Variants in OVCH2 observed in about 807,000 individuals in gnomAD.
OVCH2 encodes the protein ovochymase-2.
A neutral mutation model predicts 73.7 loss-of-function variants in OVCH2; 88 were observed. That is an observed-to-expected ratio of 1.19 (90% confidence interval 1.01 to 1.43). OVCH2 has a LOEUF of 1.43. OVCH2 is among the 40% of genes most tolerant of loss of function. OVCH2 has a pLI of 0.00. For missense variants in OVCH2, 706 were observed against 674.5 expected (o/e 1.05, Z -0.52); for synonymous variants, 265 against 234.5 (o/e 1.13, Z -1.19).
downstream of OVCH2, among the ~76,000 whole-genome samples, chr11:7,684,734 C>T (rs1038685871): frequency 1.3e-4 from 19 of 151,992 alleles, no homozygotes; most frequent in East Asian, 7.7e-4. Context: ...CAGACATATC[C>T]AGTGATGTAT....
chr11:7,700,260 T>C, intron 7 of OVCH2, 36 bp downstream of exon 7: 1 of 1,600,256 alleles, frequency 6.2e-7, no homozygotes, highest in Non-Finnish European at 8.5e-7. Flanking sequence ...CCTAGCAGAA[T>C]GGCAGCTTCT....
At position 7,696,768 on chromosome 11, in the gene OVCH2, G is replaced by A. The variant is rs754216584; in HGVS notation, c.957C>T (p.Ser319=). The A allele has an allele frequency of 3.2e-5, 51 of 1,611,076 alleles. No individual in the cohort carries two copies. The highest frequency in any genetic ancestry group is 6.6e-5 in the South Asian group (6 of 90,402). The change falls in exon 9 of 16, where the codon AGC becomes AGT. Residue 319 remains serine, a synonymous_variant. Transcript: ENST00000533663. ...GGAAGTGCAGCTTCCCCTCAGCCCC[G>A]CTGACTATGACATCCTGCTCACTGC... is the stretch of plus-strand genomic sequence containing the variant. ...AWCSEQDVIV[S]GAEGKLHFPE...
rs371887798 is a variant in OVCH2, at chr11:7,696,614, G to A, written c.1017-25C>T. ...TCTGTAGGCAGATCATGGAGAGGGCGTTATTTCTAGACAGAAAACGACTAT... is the reference window on the plus strand; with the variant it reads ...TCTGTAGGCAGATCATGGAGAGGGCATTATTTCTAGACAGAAAACGACTAT... On this transcript the variant is annotated intron_variant, in intron 9 of 15. Coordinates refer to ENST00000533663, the MANE Select transcript of OVCH2 (RefSeq NM_198185.7). 1.4e-4 allele frequency: 226 copies of A among 1,613,866 alleles called. 1 individual carries two copies. Among genetic ancestry groups the A allele is most frequent in the South Asian group, 6.6e-5 (6 of 91,078 alleles).
downstream of OVCH2, among the ~76,000 whole-genome samples, chr11:7,688,137 G>A (rs1046634497): frequency 2.0e-5 from 3 of 151,998 alleles, no homozygotes; most frequent in African/African-American, 7.2e-5. Flanking sequence ...CTCCCCTTAT[G>A]CCTGGCTCCT....
downstream of OVCH2, among the ~76,000 whole-genome samples, chr11:7,687,380 G>A (rs565812828): frequency 1.3e-5 from 2 of 151,960 alleles, no homozygotes; most frequent in South Asian, 4.2e-4. Context: ...TGAAGGCTAA[G>A]GCTGAGAAAT....
At position 7,691,404 on chromosome 11, in the gene OVCH2, G is replaced by GT. The variant is rs1171242338; in HGVS notation, c.1508-5dup. The GT allele has an allele frequency of 1.2e-6, 2 of 1,610,322 alleles. No individual in the cohort carries two copies. The highest frequency in any genetic ancestry group is 8.5e-7 in the Non-Finnish European group (1 of 1,177,630). ...ACATCATAGCCACACAGCCGAGCTT[G>GT]TTGAAGGCCAGCCCAGGCATGACAT... On this transcript the variant is annotated splice_region_variant and splice_polypyrimidine_tract_variant and intron_variant, in intron 13 of 15. Transcript: ENST00000533663.
intron 11 of OVCH2, among the ~76,000 whole-genome samples, 163 bp from the exon 12 acceptor site, chr11:7,695,351 C>G (rs1329947636): frequency 2.6e-5 from 4 of 152,196 alleles, no homozygotes; most frequent in African/African-American, 9.7e-5. Flanking sequence ...TCATCAGGCC[C>G]TCTCGACTCA....
chr11:7,696,508 G>A lies in OVCH2; in HGVS notation c.1098C>T (p.His366=). 6.2e-7 allele frequency: 1 copy of A among 1,614,016 alleles called. No individual in the cohort carries two copies. The highest frequency in any genetic ancestry group is 8.5e-7 in the Non-Finnish European group (1 of 1,179,896). ...AAGAATACATTGACAGGTAACTGTG[G>A]TGACAAGACTCAACATCTAGGTGGG... is the stretch of plus-strand genomic sequence containing the variant. ...SFSHLDVESC[H]HSYLSMYSLE... is the part of the protein sequence containing the mutation. Residue 366 remains histidine, a synonymous_variant, in exon 10 of 16, where the codon CAC becomes CAT. Transcript: ENST00000533663.
intron 10 of OVCH2, 143 bp from the exon 11 acceptor site, chr11:7,695,853 A>T: frequency 1.8e-6 from 2 of 1,138,162 alleles, no homozygotes; most frequent in South Asian, 3.0e-5. Context: ...TGACATTTTG[A>T]GCCAGAACCT....
chr11:7,683,436 T>C, the OVCH2 span, among the ~76,000 whole-genome samples: 1 of 152,196 alleles, frequency 6.6e-6, no homozygotes, highest in African/African-American at 2.4e-5. Context: ...GAATCTGACT[T>C]ACCACTTCCA....
chr11:7,679,083 G>A, the OVCH2 span, among the ~76,000 whole-genome samples: 1 of 152,108 alleles, frequency 6.6e-6, no homozygotes, highest in Non-Finnish European at 1.5e-5. Flanking sequence ...TTAGGTCCTA[G>A]CTGTTAAGCC....
intron 12 of OVCH2, among the ~76,000 whole-genome samples, chr11:7,693,155 T>C (rs1347783226): frequency 1.3e-5 from 2 of 152,124 alleles, no homozygotes; most frequent in African/African-American, 4.8e-5. Context: ...GCTGATGAAA[T>C]AGGAACTCTA....
In OVCH2 at chr11:7,702,187, G is replaced by C; in HGVS notation, c.433C>G (p.Leu145Val). 1 of 1,611,814 alleles carries C rather than the reference G, an allele frequency of 6.2e-7. No homozygotes were observed. Among genetic ancestry groups the C allele is most frequent in the Non-Finnish European group, 8.5e-7 (1 of 1,178,986 alleles). The change falls in exon 4 of 16, where the codon CTT becomes GTT. Residue 145 changes from leucine (L) to valine (V), a missense_variant. By Grantham distance (32) the Leu-to-Val change is conservative (BLOSUM62 1). Transcript: ENST00000533663. ...TKKPMDYDIA[L>V]LKMAGAFQFG... The stretch of plus-strand genomic sequence containing the variant: ...TGGAAGGCTCCAGCCATCTTCAAAA[G>C]GGCAATATCATAGTCCATTGGTTTC...
chr11:7,695,071 T>C lies in OVCH2; in HGVS notation c.1400A>G (p.His467Arg), dbSNP rs1216737005. ...CAAAGTCAATACCTTAATTAGGTGA[T>C]GTTTGGAGGCTTGAAAAATCCAGTC... ...NCDWIFQASK[H>R]HLIKLSFQSL... The change falls in exon 12 of 16, where the codon CAT becomes CGT. Residue 467 changes from histidine (H) to arginine (R), a missense_variant. By Grantham distance (29) the His-to-Arg change is conservative. Coordinates refer to ENST00000533663, the MANE Select transcript of OVCH2 (RefSeq NM_198185.7). 1.9e-6 allele frequency: 3 copies of C among 1,550,640 alleles called. No individual in the cohort carries two copies. The highest frequency in any genetic ancestry group is 2.6e-6 in the Non-Finnish European group (3 of 1,146,800).
chr11:7,699,333 T>G, intron 7 of OVCH2: 1 of 152,476 alleles, frequency 6.6e-6, no homozygotes, highest in African/African-American at 2.4e-5. Flanking sequence ...CACTCATCCC[T>G]CAATATCTGT....
the OVCH2 span, among the ~76,000 whole-genome samples, chr11:7,679,166 A>G: frequency 6.6e-6 from 1 of 152,158 alleles, no homozygotes; most frequent in Non-Finnish European, 1.5e-5. Context: ...TTATGACAAA[A>G]GGGACTTTGT....
intron 8 of OVCH2, among the ~76,000 whole-genome samples, chr11:7,697,687 C>G (rs12275958): frequency 0.042 from 6,409 of 152,216 alleles, 432 homozygotes; most frequent in African/African-American, 0.15. Context: ...AACCTTTCAT[C>G]TAATTGGCTC....
chr11:7,701,225 T>TAATTA (rs1382897979), intron 6 of OVCH2, 99 bp downstream of exon 6: 5 of 1,402,502 alleles, frequency 3.6e-6, no homozygotes, highest in Admixed American at 5.4e-5. Context: ...ATATGCTTTC[T>TAATTA]AATTAAATTA....
rs747317357 is a variant in OVCH2, at chr11:7,701,740, CA to C, written c.534del (p.Ala179GlnfsTer6). ...EQFEAGFICT[T>X]AGWGRLTEGG... ...CCTTCAGTTAAGCGGCCCCAGCCTG[CA>C]GTTGTACAAATAAAACCAGCCTCAA... is the stretch of plus-strand genomic sequence containing the variant. On this transcript the variant is annotated frameshift_variant, in exon 5 of 16. Coordinates refer to ENST00000533663, the MANE Select transcript of OVCH2 (RefSeq NM_198185.7). LOFTEE classifies it high-confidence loss of function. 6.2e-7 allele frequency: 1 copy of C among 1,612,326 alleles called. No homozygotes were observed. The highest frequency in any genetic ancestry group is 2.2e-5 in the East Asian group (1 of 44,734).
Sources: allele counts gnomAD v4.1 joint callset (sites outside exome capture counted in the v4.1 genomes callset), GRCh38; gene constraint gnomAD v4.1.1; transcripts MANE v1.5; gene names NCBI Gene and HGNC (gene_info 2026-07-23, HGNC 2026-07-21).